Variants in TNFRSF10D observed in about 807,000 individuals in gnomAD.
TNFRSF10D encodes tumor necrosis factor receptor superfamily member 10D.
A neutral mutation model predicts 42.1 loss-of-function variants in TNFRSF10D; 28 were observed. The ratio of observed to expected loss-of-function variants is 0.66; its 90% CI spans 0.49 to 0.91. The LOEUF (loss-of-function observed/expected upper bound fraction) is 0.91. Ranked by LOEUF, TNFRSF10D falls within the 40% of genes least tolerant of loss-of-function variation. The pLI, the probability that TNFRSF10D is intolerant of heterozygous loss-of-function variation, is 0.00. For synonymous variants in TNFRSF10D, 186 were observed against 189.4 expected (o/e 0.98, Z 0.15); for missense variants, 503 against 486.1 (o/e 1.03, Z -0.33).
intron 1 of TNFRSF10D, among the ~76,000 whole-genome samples, chr8:23,159,481 A>T (rs78597906): frequency 2.3e-3 from 347 of 151,154 alleles, no homozygotes; most frequent in African/African-American, 7.3e-3. Context: ...TATATTTACT[A>T]GCTTCTTCAC....
chr8:23,158,790 T>C (rs1444200437), intron 1 of TNFRSF10D, among the ~76,000 whole-genome samples: 2 of 152,220 alleles, frequency 1.3e-5, no homozygotes, highest in Admixed American at 1.3e-4. Context: ...TGAAGGTTTT[T>C]TTAAAATAGA....
rs1348071347 is a variant in TNFRSF10D at position 23,137,902 on chromosome 8, C to T, written c.1129G>A (p.Asp377Asn). The change falls in exon 9 of 9, where the codon GAT becomes AAT. Residue 377 changes from aspartate to asparagine, a missense_variant. Physicochemically the swap from Asp to Asn is conservative, Grantham distance 23 (BLOSUM62 1). Transcript: ENST00000312584. The stretch of plus-strand genomic sequence containing the variant: ...CAGGACGTAGCAGAGCCTGCCTCAT[C>T]TTCTTCATAAAAGAGCTTTTCGGAG... ...VGSEKLFYEE[D>N]EAGSATSCL is the part of the protein sequence containing the mutation. 1 of 1,614,178 alleles carries T rather than the reference C, an allele frequency of 6.2e-7. No homozygotes were observed. The highest frequency in any genetic ancestry group is 1.1e-5 in the South Asian group (1 of 91,074).
intron 2 of TNFRSF10D, among the ~76,000 whole-genome samples, chr8:23,150,948 G>T (rs1489893665): frequency 6.6e-6 from 1 of 152,098 alleles, no homozygotes; most frequent in Non-Finnish European, 1.5e-5. Context: ...TATGCATTAT[G>T]GTGGTCCAAG....
chr8:23,149,904 A>G (rs1800193071), intron 2 of TNFRSF10D, among the ~76,000 whole-genome samples: 1 of 152,086 alleles, frequency 6.6e-6, no homozygotes, highest in African/African-American at 2.4e-5. Flanking sequence ...TCTTAATACT[A>G]TCCCAGAGAA....
intron 2 of TNFRSF10D, among the ~76,000 whole-genome samples, chr8:23,150,494 G>A (rs1263031382): frequency 6.6e-6 from 1 of 152,206 alleles, no homozygotes; most frequent in East Asian, 1.9e-4. Flanking sequence ...ACAGGCTCCT[G>A]AGCAATCAGG....
In TNFRSF10D at chr8:23,145,753, C is replaced by G. The variant is rs1411909868; in HGVS notation, c.651G>C (p.Val217=). 1 of 1,614,088 alleles carries G rather than the reference C, an allele frequency of 6.2e-7. No homozygotes were observed. Among genetic ancestry groups the G allele is most frequent in the Non-Finnish European group, 8.5e-7 (1 of 1,180,038 alleles). The change falls in exon 5 of 9, where the codon GTG becomes GTC. Residue 217 remains valine, a synonymous_variant. Coordinates refer to ENST00000312584, the MANE Select transcript of TNFRSF10D (RefSeq NM_003840.5). ...CCACAGCTAAAATGATGACTAAAACCACTATGATGATAAGGTAGTGATAGG... is the reference window on the plus strand; with the variant it reads ...CCACAGCTAAAATGATGACTAAAACGACTATGATGATAAGGTAGTGATAGG... ...ASPYHYLIII[V]VLVIILAVVV...
At chr8:23,148,389 T>TC in intron 3 of TNFRSF10D, 49 bp downstream of exon 3, 1 of 1,475,358 alleles carries the variant, frequency 6.8e-7, no homozygotes, top group South Asian at 1.1e-5. Flanking sequence ...AGCTCCCACC[T>TC]CATCACTATG....
chr8:23,157,788 T>C (rs1179748695), intron 1 of TNFRSF10D, among the ~76,000 whole-genome samples: 1 of 152,264 alleles, frequency 6.6e-6, no homozygotes, highest in Non-Finnish European at 1.5e-5. Flanking sequence ...TAATATTCTA[T>C]GTCCTAAAAT....
intron 7 of TNFRSF10D, among the ~76,000 whole-genome samples, chr8:23,140,778 ATG>A (rs1278184629): frequency 2.0e-5 from 3 of 152,184 alleles, no homozygotes; most frequent in Non-Finnish European, 4.4e-5. Context: ...GCCATGTAAG[ATG>A]TGCCTTTGCT....
In TNFRSF10D at chr8:23,137,024, A is replaced by G. The variant is rs1814342247; in HGVS notation, c.*846T>C. 1 of 152,186 alleles carries G rather than the reference A, an allele frequency of 6.6e-6. No homozygotes were observed. Among genetic ancestry groups the G allele is most frequent in the East Asian group, 1.9e-4 (1 of 5,198 alleles). 9.4% of individuals were successfully genotyped at this position (152,186 alleles called of 1,614,324 possible). ...TGATTTGTATCCAGGCAACCCATGT[A>G]AACAGCCTAATAAGTGCATTTCCTA... On this transcript the variant is annotated 3_prime_UTR_variant, in exon 9 of 9. Transcript: ENST00000312584.
In TNFRSF10D at chr8:23,146,991, G is replaced by T. The variant is rs554166185; in HGVS notation, c.452C>A (p.Ser151Tyr). 1 of 1,614,210 alleles carries T rather than the reference G, an allele frequency of 6.2e-7. No homozygotes were observed. Residue 151 changes from serine (S) to tyrosine (Y), a missense_variant, in exon 4 of 9, where the codon TCC becomes TAC. Ser to Tyr is a moderately radical substitution (Grantham distance 144). Transcript: ENST00000312584. ...CEKGSFQDKN[S>Y]PEMCRTCRTG... is the part of the protein sequence containing the mutation. ...TCTACACGTCCGGCACATCTCAGGG[G>T]AGTTTTTATCCTGGAAGCTTCCTTT...
chr8:23,152,856 T>C (rs186542821), intron 2 of TNFRSF10D, among the ~76,000 whole-genome samples: 904 of 152,104 alleles, frequency 5.9e-3, no homozygotes, highest in African/African-American at 0.019. Flanking sequence ...TTTACCAAAA[T>C]AGACAAAATA....
chr8:23,142,493 G>C lies in TNFRSF10D; in HGVS notation c.954+1957C>G, dbSNP rs138065003. On this transcript the variant is annotated intron_variant, in intron 7 of 8. Coordinates refer to ENST00000312584, the MANE Select transcript of TNFRSF10D (RefSeq NM_003840.5). ...CCATCATCCTAAGTGAATTAATGTAGGAACGCAAAACCAAATACTGCGTGT... is the reference window on the plus strand; with the variant it reads ...CCATCATCCTAAGTGAATTAATGTACGAACGCAAAACCAAATACTGCGTGT... Among the ~76,000 whole-genome samples the C allele has an allele frequency of 9.7e-4, 147 of 152,204 alleles. No homozygotes were observed. In the South Asian group the frequency reaches 0.013, roughly 14 times the overall value.
chr8:23,160,582 T>C lies in TNFRSF10D; in HGVS notation c.150+3204A>G, dbSNP rs548324221. ...ACCTGCCCTCATGTCCCCTGGTTGT[T>C]AGGAAAATCCACTACACGAAGATGT... On this transcript the variant is annotated intron_variant, in intron 1 of 8. Coordinates refer to ENST00000312584, the MANE Select transcript of TNFRSF10D (RefSeq NM_003840.5). Among the ~76,000 whole-genome samples, 8 of 152,264 alleles carry C rather than the reference T, an allele frequency of 5.3e-5. No homozygotes were observed. In the South Asian group the frequency reaches 6.2e-4, roughly 12 times the overall value.
chr8:23,160,886 T>G (rs1173923754), intron 1 of TNFRSF10D, among the ~76,000 whole-genome samples: 1 of 152,186 alleles, frequency 6.6e-6, no homozygotes, highest in Non-Finnish European at 1.5e-5. Flanking sequence ...ACTTGGCAGG[T>G]AAACCAGGCT....
chr8:23,149,298 C>T (rs1243378072), intron 2 of TNFRSF10D, among the ~76,000 whole-genome samples: 9 of 151,342 alleles, frequency 5.9e-5, no homozygotes, highest in African/African-American at 2.2e-4. Flanking sequence ...AGGGCAATGG[C>T]GCGACCTTGG....
At chr8:23,155,245 T>TC (rs1017780798) in intron 1 of TNFRSF10D, among the ~76,000 whole-genome samples, 1 of 152,074 alleles carries the variant, frequency 6.6e-6, no homozygotes, top group African/African-American at 2.4e-5. Context: ...GAAGAGTTTT[T>TC]TTTTTTTTTT....
intron 2 of TNFRSF10D, among the ~76,000 whole-genome samples, 164 bp from the exon 3 acceptor site, chr8:23,148,715 T>C (rs1800163746): frequency 6.6e-6 from 1 of 152,100 alleles, no homozygotes; most frequent in African/African-American, 2.4e-5. Flanking sequence ...CACTATTACA[T>C]ACCTTTGACT....
chr8:23,152,947 T>C (rs1001236410), intron 2 of TNFRSF10D, among the ~76,000 whole-genome samples: 1 of 152,176 alleles, frequency 6.6e-6, no homozygotes, highest in African/African-American at 2.4e-5. Flanking sequence ...AGAACAATGA[T>C]GGAGGCATCA....
Sources: allele counts gnomAD v4.1 joint callset (sites outside exome capture counted in the v4.1 genomes callset), GRCh38; gene constraint gnomAD v4.1.1; transcripts MANE v1.5; gene names NCBI Gene and HGNC (gene_info 2026-07-23, HGNC 2026-07-21).